EEPD1: variants seen among roughly 807,000 people sequenced by gnomAD.
EEPD1 encodes the protein endonuclease/exonuclease/phosphatase family domain-containing protein 1.
EEPD1 carries 17 observed loss-of-function variants against 46.3 expected under a neutral mutation model. The observed-to-expected ratio is 0.37, with a 90% CI of 0.25 to 0.55. The LOEUF (loss-of-function observed/expected upper bound fraction) is 0.55, where lower values mean the gene tolerates loss of function less well. Among genes scored for constraint, EEPD1 ranks in the 20% least tolerant of loss-of-function variants. The probability of loss-of-function intolerance (pLI) is 0.83; values close to 1 mark genes in which losing one functional copy is unlikely to be tolerated. For synonymous variants in EEPD1, 313 were observed against 315.6 expected (o/e 0.99, Z 0.09); for missense variants, 673 against 745.6 (o/e 0.90, Z 1.13).
chr7:36,236,213 G>T (rs569516530), intron 2 of EEPD1, among the ~76,000 whole-genome samples: 4 of 152,230 alleles, frequency 2.6e-5, no homozygotes, highest in Non-Finnish European at 5.9e-5. Context: ...CCCTTCAGCC[G>T]GCGGCTGCGC....
At chr7:36,295,529 G>A (rs144309720) in intron 6 of EEPD1, among the ~76,000 whole-genome samples, 57 of 151,830 alleles carry the variant, frequency 3.8e-4, no homozygotes, top group African/African-American at 1.3e-3. Context: ...TAGCCTAAAG[G>A]AGGGGGAGCA....
chr7:36,181,946 A>G (rs1276373879), intron 2 of EEPD1, among the ~76,000 whole-genome samples: 1 of 152,218 alleles, frequency 6.6e-6, no homozygotes, highest in Non-Finnish European at 1.5e-5. Flanking sequence ...AGGATTCCCC[A>G]GACTTTTGCC....
chr7:36,254,588 A>T (rs934352825), intron 3 of EEPD1, among the ~76,000 whole-genome samples: 1 of 152,174 alleles, frequency 6.6e-6, no homozygotes, highest in Admixed American at 6.5e-5. Flanking sequence ...CAATAAATAT[A>T]CGTGTGCATG....
chr7:36,190,385 T>C (rs778049646), intron 2 of EEPD1, among the ~76,000 whole-genome samples: 4 of 152,112 alleles, frequency 2.6e-5, no homozygotes, highest in Non-Finnish European at 4.4e-5. Flanking sequence ...CAAACAAATA[T>C]AACACATGGT....
chr7:36,299,202 G>A lies in EEPD1; in HGVS notation c.1706G>A (p.Arg569Gln), dbSNP rs201506966. 2.7e-5 allele frequency: 43 copies of A among 1,613,692 alleles called. No individual in the cohort carries two copies. Among genetic ancestry groups the A allele is most frequent in the African/African-American group, 4.0e-5 (3 of 75,056 alleles). ...AGTGAAGCCAACATCAAGCACGAGC[G>A]ATGATGACACCAAATCCATGTGTCC... The part of the protein sequence containing the change: ...ERSEANIKHE[R>Q] The change falls in exon 8 of 8, where the codon CGA becomes CAA. Residue 569 changes from arginine (R) to glutamine (Q), a missense_variant. Arg to Gln is a conservative substitution (Grantham distance 43). Transcript: ENST00000242108.
chr7:36,273,372 C>T (rs1038569365), intron 3 of EEPD1, among the ~76,000 whole-genome samples: 13 of 152,080 alleles, frequency 8.5e-5, no homozygotes, highest in African/African-American at 3.1e-4. Context: ...CATTCCTCCC[C>T]CTGGCTTTTT....
chr7:36,212,649 A>T (rs1785955077), intron 2 of EEPD1, among the ~76,000 whole-genome samples: 1 of 149,510 alleles, frequency 6.7e-6, no homozygotes, highest in South Asian at 2.1e-4. Flanking sequence ...ACTACACAAG[A>T]GGTGAGTACT....
chr7:36,221,792 A>G (rs1031136964), intron 2 of EEPD1, among the ~76,000 whole-genome samples: 2 of 152,240 alleles, frequency 1.3e-5, no homozygotes, highest in African/African-American at 4.8e-5. Flanking sequence ...TAGAAGCAAT[A>G]TATTGTAATA....
intron 6 of EEPD1, among the ~76,000 whole-genome samples, chr7:36,293,685 C>T (rs544445338): frequency 1.2e-4 from 18 of 152,256 alleles, no homozygotes; most frequent in East Asian, 3.9e-4. Flanking sequence ...AATGTTTAGC[C>T]GGGCGCCATG....
intron 3 of EEPD1, among the ~76,000 whole-genome samples, chr7:36,271,884 G>GTATTC (rs1787111078): frequency 9.9e-5 from 1 of 10,066 alleles, no homozygotes; most frequent in Admixed American, 9.8e-4. Context: ...CTATTCTATT[G>GTATTC]TATTCTATTC....
chr7:36,238,658 GT>G (rs1786500144), intron 2 of EEPD1, among the ~76,000 whole-genome samples: 1 of 152,134 alleles, frequency 6.6e-6, no homozygotes, highest in African/African-American at 2.4e-5. Context: ...CATTTAAGTT[GT>G]TTCTACCTTT....
At chr7:36,292,610 C>T (rs1360463209) in intron 6 of EEPD1, among the ~76,000 whole-genome samples, 4 of 152,038 alleles carry the variant, frequency 2.6e-5, no homozygotes, top group Non-Finnish European at 4.4e-5. Flanking sequence ...CGGGTTCAAG[C>T]GATTCTCCTG....
chr7:36,163,990 T>C (rs1784942738), intron 2 of EEPD1, among the ~76,000 whole-genome samples: 1 of 152,152 alleles, frequency 6.6e-6, no homozygotes, highest in South Asian at 2.1e-4. Context: ...CTTAACCAGC[T>C]TGGCTTGGGT....
chr7:36,287,441 A>G lies in EEPD1; in HGVS notation c.1177-198A>G, dbSNP rs1032925666. ...GTTAGGGGTGGACTGGTAGAACAAA[A>G]TAGGCCTTGTTCCTGCAGGTGCCTT... On this transcript the variant is annotated intron_variant, in intron 5 of 7. Transcript: ENST00000242108. 2 of 717,360 alleles carry G rather than the reference A, an allele frequency of 2.8e-6. 1 individual carries two copies. The allele number at this position is 717,360 out of a possible 1,614,324, so 44.4% of individuals were successfully genotyped here. A position where few individuals can be genotyped will look rare whatever the true frequency, so the allele number is the denominator to read the frequency against.
At chr7:36,280,284 T>C (rs1787240363) in intron 3 of EEPD1, among the ~76,000 whole-genome samples, 1 of 152,170 alleles carries the variant, frequency 6.6e-6, no homozygotes, top group Admixed American at 6.5e-5. Flanking sequence ...TCAGTGGGGC[T>C]GAATGAGAGT....
Position 36,183,919 on chromosome 7 carries a change from T to A in EEPD1, c.878+28717T>A, listed in dbSNP as rs896771514. Among the ~76,000 whole-genome samples, 5 of 151,570 alleles carry A rather than the reference T, an allele frequency of 3.3e-5. No individual in the cohort carries two copies. In the East Asian group the frequency reaches 9.6e-4, roughly 29 times the overall value. ...TAAAAAAATGTGTGTTGTTGTTTAT[T>A]ATGTTTTCTCACAAACAGCCGCAAA... On this transcript the variant is annotated intron_variant, in intron 2 of 7. Transcript: ENST00000242108.
chr7:36,292,403 TTTTC>T (rs747974190), intron 6 of EEPD1, among the ~76,000 whole-genome samples: 126 of 152,006 alleles, frequency 8.3e-4, no homozygotes, highest in Non-Finnish European at 9.4e-4. Flanking sequence ...TCTTTCTTTC[TTTTC>T]TTTCTTTTTC....
At chr7:36,197,169 C>T (rs1254815976) in intron 2 of EEPD1, among the ~76,000 whole-genome samples, 11 of 145,000 alleles carry the variant, frequency 7.6e-5, no homozygotes, top group African/African-American at 7.7e-5. Flanking sequence ...GGAGCCCCTC[C>T]GCCCGGCTGC....
At chr7:36,252,282 G>A (rs952936295) in intron 3 of EEPD1, among the ~76,000 whole-genome samples, 35 of 152,218 alleles carry the variant, frequency 2.3e-4, no homozygotes, top group African/African-American at 8.2e-4. Context: ...TTTTGCAGTT[G>A]TTTGGGTCTA....
Sources: allele counts gnomAD v4.1 joint callset (sites outside exome capture counted in the v4.1 genomes callset), GRCh38; gene constraint gnomAD v4.1.1; transcripts MANE v1.5; gene names NCBI Gene and HGNC (gene_info 2026-07-23, HGNC 2026-07-21).